AK5: variants seen among roughly 807,000 people sequenced by gnomAD.
AK5 encodes adenylate kinase 5, also known as adenylate kinase isoenzyme 5.
Under a neutral mutation model 69.5 loss-of-function variants are expected in AK5, and 27 were observed. That is an observed-to-expected ratio of 0.39 (90% CI 0.29 to 0.54). AK5 has a LOEUF of 0.54. Ranked by LOEUF, AK5 falls within the 20% of genes least tolerant of loss-of-function variation. The pLI is 0.71. For missense variants in AK5, 531 were observed against 700.4 expected (o/e 0.76, Z 2.73); for synonymous variants, 260 against 244.4 (o/e 1.06, Z -0.60).
chr1:77,488,524 G>A (rs574490594), intron 10 of AK5, among the ~76,000 whole-genome samples: 4 of 152,236 alleles, frequency 2.6e-5, no homozygotes, highest in Admixed American at 2.6e-4. Flanking sequence ...TCTCTAGAGG[G>A]ACAGAACTAA....
In AK5 at chr1:77,449,952, T is replaced by G. The variant is rs184572227; in HGVS notation, c.1059+32237T>G. On this transcript the variant is annotated intron_variant, in intron 8 of 13. Coordinates refer to ENST00000354567, the MANE Select transcript of AK5 (RefSeq NM_174858.3). ...GCTGTTTCCCTTTTAAAACTAAATG[T>G]CTTTAACAACACCCAAGTCACATCT... Among the ~76,000 whole-genome samples, 6 of 152,322 alleles carry G rather than the reference T, an allele frequency of 3.9e-5. No individual in the cohort carries two copies. The East Asian group carries it at 1.2e-3, about 29-fold the overall frequency.
At chr1:77,394,873 C>A (rs1231745378) in intron 6 of AK5, among the ~76,000 whole-genome samples, 1 of 151,906 alleles carries the variant, frequency 6.6e-6, no homozygotes, top group African/African-American at 2.4e-5. Flanking sequence ...AATGAGCTTG[C>A]GAATTCAAGA....
intron 5 of AK5, among the ~76,000 whole-genome samples, chr1:77,305,622 T>C (rs1022310944): frequency 2.0e-5 from 3 of 152,340 alleles, no homozygotes; most frequent in Admixed American, 2.0e-4. Flanking sequence ...TGGATGTTCT[T>C]GATACCTTTG....
chr1:77,306,502 T>G (rs964351761), intron 5 of AK5, among the ~76,000 whole-genome samples: 81 of 150,796 alleles, frequency 5.4e-4, no homozygotes, highest in African/African-American at 1.6e-3. Context: ...TTGTTTTTTT[T>G]TTTTTTTTTG....
In AK5 at chr1:77,535,942, C is replaced by T. The variant is rs146562729; in HGVS notation, c.1524C>T (p.Asp508=). Residue 508 remains aspartate (D), a synonymous_variant, in exon 13 of 14, where the codon GAC becomes GAT. Transcript: ENST00000354567. ...LQRSRSSLPV[D]DTTKTIAKRL... ...GGAGCCGGAGCAGCCTGCCTGTGGA[C>T]GACACCACCAAGACCATCGCCAAGC... The T allele has an allele frequency of 7.2e-5, 116 of 1,614,042 alleles. No homozygotes were observed. The African/African-American group carries it at 1.2e-3, about 17-fold the overall frequency.
chr1:77,286,217 A>G (rs1040204886), intron 1 of AK5, among the ~76,000 whole-genome samples: 1 of 151,944 alleles, frequency 6.6e-6, no homozygotes, highest in African/African-American at 2.4e-5. Context: ...TCTATGAGGT[A>G]TTTATTATTA....
intron 8 of AK5, among the ~76,000 whole-genome samples, chr1:77,428,895 T>C (rs1377372949): frequency 6.6e-6 from 1 of 152,198 alleles, no homozygotes; most frequent in Non-Finnish European, 1.5e-5. Flanking sequence ...AGAATGATGG[T>C]TTCCAGCTTC....
chr1:77,364,527 T>TC (rs1313255583), intron 6 of AK5, among the ~76,000 whole-genome samples: 3 of 152,140 alleles, frequency 2.0e-5, no homozygotes, highest in Non-Finnish European at 4.4e-5. Context: ...ATCATCCCCT[T>TC]CCCCCTACTC....
At chr1:77,430,945 AG>A (rs890943733) in intron 8 of AK5, among the ~76,000 whole-genome samples, 3 of 152,210 alleles carry the variant, frequency 2.0e-5, no homozygotes, top group African/African-American at 7.2e-5. Context: ...AGAATATACA[AG>A]TATAAGAGAG....
intron 8 of AK5, among the ~76,000 whole-genome samples, chr1:77,452,027 A>T (rs2100658761): frequency 6.6e-6 from 1 of 152,354 alleles, no homozygotes; most frequent in African/African-American, 2.4e-5. Context: ...CAAGTTAAAC[A>T]TATCTTTCGG....
At chr1:77,403,278 T>A (rs1480350634) in intron 6 of AK5, among the ~76,000 whole-genome samples, 1 of 152,242 alleles carries the variant, frequency 6.6e-6, no homozygotes, top group South Asian at 2.1e-4. Flanking sequence ...TTTCTTTTTC[T>A]GTGCAGAAGC....
intron 6 of AK5, among the ~76,000 whole-genome samples, chr1:77,407,958 G>T (rs1189840185): frequency 1.3e-5 from 2 of 152,140 alleles, no homozygotes; most frequent in African/African-American, 2.4e-5. Context: ...CAAAGGACAT[G>T]ATTTCATTCT....
rs547691266 is a variant in AK5 at position 77,357,281 on chromosome 1, G to C, written c.891+16713G>C. On this transcript the variant is annotated intron_variant, in intron 6 of 13. Transcript: ENST00000354567. ...GCTGACTTTGAAGTCACAAAGACAA[G>C]GGTTTGAATTCTGGCAAGTCTCTTA... 3.3e-5 allele frequency among the ~76,000 whole-genome samples: 5 copies of C among 151,280 alleles called. No individual in the cohort carries two copies. The South Asian group carries it at 1.0e-3, about 31-fold the overall frequency.
chr1:77,444,368 AATATATACT>A, intron 8 of AK5, among the ~76,000 whole-genome samples: 1 of 38,516 alleles, frequency 2.6e-5, no homozygotes, highest in African/African-American at 1.2e-4. Flanking sequence ...ATATAGTATA[AATATATACT>A]ATATATAGTA....
intron 5 of AK5, chr1:77,313,797 C>T: frequency 1.9e-6 from 1 of 532,158 alleles, no homozygotes; most frequent in Non-Finnish European, 3.9e-6. Flanking sequence ...TTTTTCAGTA[C>T]AGCCTACGCC....
chr1:77,466,336 A>G (rs1226991491), intron 8 of AK5, among the ~76,000 whole-genome samples: 1 of 151,886 alleles, frequency 6.6e-6, no homozygotes. Flanking sequence ...TCATCCTAGA[A>G]CTCTATACTT....
At chr1:77,355,134 A>G (rs1036254825) in intron 6 of AK5, among the ~76,000 whole-genome samples, 1 of 152,234 alleles carries the variant, frequency 6.6e-6, no homozygotes, top group Non-Finnish European at 1.5e-5. Flanking sequence ...CAACTGAATG[A>G]TTAATGCAGC....
chr1:77,512,649 C>A (rs1657416084), intron 10 of AK5, among the ~76,000 whole-genome samples: 1 of 152,096 alleles, frequency 6.6e-6, no homozygotes, highest in Non-Finnish European at 1.5e-5. Context: ...TTTGACCCAG[C>A]CATCCCATTA....
At chr1:77,506,900 G>A (rs1270157452) in intron 10 of AK5, among the ~76,000 whole-genome samples, 1 of 152,102 alleles carries the variant, frequency 6.6e-6, no homozygotes, top group Non-Finnish European at 1.5e-5. Flanking sequence ...TCTGGATGCT[G>A]AGTCAGGAGA....
Sources: gnomAD v4.1 joint callset for allele counts (sites outside exome capture counted in the v4.1 genomes callset) on GRCh38, gnomAD v4.1.1 for gene constraint, MANE v1.5 for transcripts, NCBI Gene and HGNC (gene_info 2026-07-23, HGNC 2026-07-21) for gene names.